Variants in BIRC2 observed in about 807,000 individuals in gnomAD.
The protein encoded by BIRC2 is baculoviral IAP repeat containing 2, also known as baculoviral IAP repeat-containing protein 2.
A neutral mutation model predicts 60.9 loss-of-function variants in BIRC2; 18 were observed. The ratio of observed to expected loss-of-function variants is 0.30; its 90% CI spans 0.20 to 0.44. The LOEUF is 0.44. Among genes scored for constraint, BIRC2 ranks in the 20% least tolerant of loss-of-function variants. The probability of loss-of-function intolerance (pLI) is 1.00; values close to 1 mark genes in which losing one functional copy is unlikely to be tolerated. For synonymous variants in BIRC2, 282 were observed against 247.7 expected, an observed-to-expected ratio of 1.14 and a Z score of -1.30; for missense variants, 701 against 728.5, an observed-to-expected ratio of 0.96 and a Z score of 0.43.
Position 102,377,542 on chromosome 11 carries a change from A to G in BIRC2, c.1413A>G (p.Gln471=), listed in dbSNP as rs146918742. Reference sequence around the variant, plus strand: ...AGAACAGAATGGCTCTCTTTCAACAATTGACATGTGTGCTTCCTATCCTGG... The same window carrying G: ...AGAACAGAATGGCTCTCTTTCAACAGTTGACATGTGTGCTTCCTATCCTGG... The part of the protein sequence containing the change: ...IRKNRMALFQ[Q]LTCVLPILDN... The change falls in exon 7 of 9, where the codon CAA becomes CAG. Residue 471 remains glutamine, a synonymous_variant. Transcript: ENST00000227758. The G allele has an allele frequency of 8.5e-5, 137 of 1,606,286 alleles. No individual in the cohort carries two copies. In the South Asian group the frequency reaches 1.0e-3, roughly 12 times the overall value.
intron 6 of BIRC2, among the ~76,000 whole-genome samples, chr11:102,373,859 G>C (rs1384429742): frequency 6.7e-6 from 1 of 150,296 alleles, no homozygotes; most frequent in East Asian, 1.9e-4. Context: ...TGGAGGCTTT[G>C]CTCATTTCTT....
chr11:102,378,199 A>T lies in BIRC2; in HGVS notation c.*16A>T. 6.5e-7 allele frequency: 1 copy of T among 1,546,154 alleles called. No homozygotes were observed. ...TCTCTCTTAAAGAAAAATAGTCTAT[A>T]TTTTAACCTGCATAAAAAGGTCTTT... On this transcript the variant is annotated 3_prime_UTR_variant, in exon 9 of 9. Transcript: ENST00000227758.
chr11:102,367,168 C>G (rs1237894052), intron 5 of BIRC2, among the ~76,000 whole-genome samples: 5 of 152,226 alleles, frequency 3.3e-5, no homozygotes, highest in African/African-American at 9.6e-5. Flanking sequence ...TTTCTAACTT[C>G]TAATACCCAG....
chr11:102,361,482 G>A (rs545244419), intron 3 of BIRC2, among the ~76,000 whole-genome samples: 51 of 152,308 alleles, frequency 3.3e-4, no homozygotes, highest in African/African-American at 1.1e-3. Context: ...TTTTTTCAGG[G>A]TGAGGAGTGC....
chr11:102,377,220 G>A (rs1384269993), intron 6 of BIRC2, among the ~76,000 whole-genome samples: 1 of 152,102 alleles, frequency 6.6e-6, no homozygotes, highest in Non-Finnish European at 1.5e-5. Flanking sequence ...ATATATGGTG[G>A]GGGGAAATTT....
At chr11:102,375,045 C>T (rs1409440423) in intron 6 of BIRC2, among the ~76,000 whole-genome samples, 1 of 152,232 alleles carries the variant, frequency 6.6e-6, no homozygotes, top group Non-Finnish European at 1.5e-5. Flanking sequence ...TGCGCGCACC[C>T]ACTGGCCTGC....
intron 3 of BIRC2, among the ~76,000 whole-genome samples, chr11:102,356,417 C>G (rs1294772171): frequency 6.6e-6 from 1 of 151,802 alleles, no homozygotes; most frequent in Non-Finnish European, 1.5e-5. Context: ...AGGCTGGTCT[C>G]CAACTCCTGA....
In BIRC2 at chr11:102,378,353, TTTAATC is replaced by T. The variant is rs1951737719; in HGVS notation, c.*178_*183del. On this transcript the variant is annotated 3_prime_UTR_variant, in exon 9 of 9. Transcript: ENST00000227758. Reference sequence around the variant, plus strand: ...GTTTCTGAAAAGATGGTATCATATATTTAATCTTAATCTGTTTATTTACAAGGGAAG... The same window carrying T: ...GTTTCTGAAAAGATGGTATCATATATTTAATCTGTTTATTTACAAGGGAAG... The T allele has an allele frequency of 1.8e-6, 1 of 549,632 alleles. No homozygotes were observed. The highest frequency in any genetic ancestry group is 3.1e-6 in the Non-Finnish European group (1 of 327,682). The allele number at this position is 549,632 out of a possible 1,614,324, so 34.0% of individuals were successfully genotyped here.
intron 3 of BIRC2, among the ~76,000 whole-genome samples, chr11:102,356,993 T>G (rs1380373349): frequency 2.0e-5 from 3 of 152,186 alleles, no homozygotes; most frequent in Non-Finnish European, 4.4e-5. Flanking sequence ...TTATCCTTCA[T>G]TTTGTCAATG....
At chr11:102,351,754 T>A (rs529020699) in intron 3 of BIRC2, among the ~76,000 whole-genome samples, 1 of 152,336 alleles carries the variant, frequency 6.6e-6, no homozygotes, top group Non-Finnish European at 1.5e-5. Flanking sequence ...TGTCTTTTTT[T>A]ATTATAGCCT....
At chr11:102,376,873 A>G (rs1330496645) in intron 6 of BIRC2, among the ~76,000 whole-genome samples, 5 of 152,164 alleles carry the variant, frequency 3.3e-5, no homozygotes, top group South Asian at 2.1e-4. Context: ...TGTATGGGGA[A>G]GGATGAGGAC....
At position 102,360,498 on chromosome 11, in the gene BIRC2, C is replaced by A. The variant is rs528792958; in HGVS notation, c.996-2398C>A. On this transcript the variant is annotated intron_variant, in intron 3 of 8. Coordinates refer to ENST00000227758, the MANE Select transcript of BIRC2 (RefSeq NM_001166.5). Reference sequence around the variant, plus strand: ...CCGAATTTGTTTCTTTTTATTATTCCTATCTCTGTGTTGAATTTCTCATTT... The same window carrying A: ...CCGAATTTGTTTCTTTTTATTATTCATATCTCTGTGTTGAATTTCTCATTT... Among the ~76,000 whole-genome samples, 4 of 151,678 alleles carry A rather than the reference C, an allele frequency of 2.6e-5. No individual in the cohort carries two copies. In the South Asian group the frequency reaches 8.3e-4, roughly 32 times the overall value.
At chr11:102,374,422 C>G (rs1438455535) in intron 6 of BIRC2, among the ~76,000 whole-genome samples, 2 of 148,256 alleles carry the variant, frequency 1.3e-5, no homozygotes, top group Non-Finnish European at 3.0e-5. Context: ...TTGGAATACC[C>G]TGCCGTGTGA....
chr11:102,353,615 G>A (rs571566433), intron 3 of BIRC2, among the ~76,000 whole-genome samples: 9 of 150,054 alleles, frequency 6.0e-5, no homozygotes, highest in African/African-American at 2.2e-4. Context: ...ACTGAGCCCA[G>A]CCCACATTTC....
At chr11:102,369,555 G>A (rs199710140) in intron 6 of BIRC2, among the ~76,000 whole-genome samples, 2,869 of 139,880 alleles carry the variant, frequency 0.021, 31 homozygotes, top group Non-Finnish European at 0.027. Context: ...TTCTTAATCC[G>A]GTCTATCATT....
chr11:102,365,461 C>T (rs1951542531), intron 5 of BIRC2, among the ~76,000 whole-genome samples: 2 of 152,212 alleles, frequency 1.3e-5, no homozygotes, highest in African/African-American at 2.4e-5. Flanking sequence ...ACCTTTCATT[C>T]TTTCACTTGT....
At position 102,349,783 on chromosome 11, in the gene BIRC2, G is replaced by T; in HGVS notation, c.-72G>T. On this transcript the variant is annotated 5_prime_UTR_variant, in exon 2 of 9. Transcript: ENST00000227758. ...AGTCTATCATTGATTTCTTTTTGTG[G>T]TAAAAATCTTAGTTCATGTGAAGAA... 1 of 1,432,800 alleles carries T rather than the reference G, an allele frequency of 7.0e-7. No individual in the cohort carries two copies. The highest frequency in any genetic ancestry group is 1.4e-5 in the South Asian group (1 of 71,596). 88.8% of individuals were successfully genotyped at this position (1,432,800 alleles called of 1,614,324 possible).
At chr11:102,357,862 T>C (rs565456225) in intron 3 of BIRC2, among the ~76,000 whole-genome samples, 1 of 152,210 alleles carries the variant, frequency 6.6e-6, no homozygotes, top group Non-Finnish European at 1.5e-5. Flanking sequence ...TTTTTTTAAA[T>C]ATAGGCGATT....
Position 102,367,359 on chromosome 11 carries a change from C to A in BIRC2, c.1124-947C>A, listed in dbSNP as rs35361719. Among the ~76,000 whole-genome samples the A allele has an allele frequency of 7.6e-3, 1,139 of 149,292 alleles. 16 individuals are homozygous for A. The highest frequency in any genetic ancestry group is 0.026 in the African/African-American group (1,071 of 40,508). The stretch of plus-strand genomic sequence containing the variant: ...TTGCTGTAATGATCCTCTAATGTGT[C>A]TCTTATCTTGAACATAAAGTATTTC... On this transcript the variant is annotated intron_variant, in intron 5 of 8. Transcript: ENST00000227758.
Sources: gnomAD v4.1 joint callset for allele counts (sites outside exome capture counted in the v4.1 genomes callset) on GRCh38, gnomAD v4.1.1 for gene constraint, MANE v1.5 for transcripts, NCBI Gene and HGNC (gene_info 2026-07-23, HGNC 2026-07-21) for gene names.